VWC2L: variants seen among roughly 807,000 people sequenced by gnomAD.
VWC2L encodes the protein von Willebrand factor C domain-containing protein 2-like.
Under a neutral mutation model 21.6 loss-of-function variants are expected in VWC2L, and 10 were observed. That is an observed-to-expected ratio of 0.46 (90% CI 0.29 to 0.78). The LOEUF (loss-of-function observed/expected upper bound fraction) is 0.78. Among genes scored for constraint, VWC2L ranks in the 30% least tolerant of loss-of-function variants. The pLI is 0.10. For missense variants in VWC2L, 209 were observed against 277.1 expected (o/e 0.75, Z 1.74); for synonymous variants, 96 against 94.3 (o/e 1.02, Z -0.10).
At chr2:214,525,049 A>G (rs1408372404) in intron 3 of VWC2L, 2 of 82,140 alleles carry the variant, frequency 2.4e-5, no homozygotes, top group Non-Finnish European at 4.7e-5. Flanking sequence ...TGCCTCACAC[A>G]CACACACACA....
intron 3 of VWC2L, among the ~76,000 whole-genome samples, chr2:214,544,619 G>C (rs1184010864): frequency 1.3e-5 from 2 of 152,106 alleles, no homozygotes; most frequent in African/African-American, 2.4e-5. Context: ...ACAAGTGATT[G>C]AATAATGGCG....
At chr2:214,456,409 T>C (rs1355416647) in intron 3 of VWC2L, among the ~76,000 whole-genome samples, 1 of 152,062 alleles carries the variant, frequency 6.6e-6, no homozygotes, top group African/African-American at 2.4e-5. Flanking sequence ...TTGGGTTTTT[T>C]TGTTTGGGGG....
In VWC2L at chr2:214,421,618, GT is replaced by G. The variant is rs560914459; in HGVS notation, c.390+7037del. On this transcript the variant is annotated intron_variant, in intron 2 of 3. Transcript: ENST00000312504. ...TCTGAGATTTGCGGAGCTTGTCACT[GT>G]TAGTGACTACCCCAGACTTGAGGTC... is the stretch of plus-strand genomic sequence containing the variant. Among the ~76,000 whole-genome samples, 6 of 152,110 alleles carry G rather than the reference GT, an allele frequency of 3.9e-5. No individual in the cohort carries two copies. In the South Asian group the frequency reaches 1.2e-3, roughly 32 times the overall value.
chr2:214,454,738 G>A (rs1429591098), intron 3 of VWC2L, among the ~76,000 whole-genome samples: 5 of 151,132 alleles, frequency 3.3e-5, no homozygotes, highest in African/African-American at 1.2e-4. Context: ...GAGTAGCTGG[G>A]ACTACAGGCG....
At chr2:214,416,871 A>C (rs1203052443) in intron 2 of VWC2L, among the ~76,000 whole-genome samples, 1 of 152,122 alleles carries the variant, frequency 6.6e-6, no homozygotes, top group Admixed American at 6.5e-5. Context: ...GGTACACAAT[A>C]GGTATTAAAT....
intron 2 of VWC2L, among the ~76,000 whole-genome samples, chr2:214,429,208 T>C (rs981129487): frequency 6.6e-6 from 1 of 152,214 alleles, no homozygotes; most frequent in African/African-American, 2.4e-5. Flanking sequence ...AGTTGCTCAC[T>C]TTTTTCCTGT....
chr2:214,557,918 C>T (rs1689899208), intron 3 of VWC2L, among the ~76,000 whole-genome samples: 1 of 152,194 alleles, frequency 6.6e-6, no homozygotes, highest in African/African-American at 2.4e-5. Flanking sequence ...CTCATTTTAA[C>T]TATCCTCCCT....
intron 3 of VWC2L, among the ~76,000 whole-genome samples, chr2:214,561,586 C>A (rs1288457451): frequency 1.3e-5 from 2 of 151,716 alleles, no homozygotes; most frequent in Non-Finnish European, 2.9e-5. Flanking sequence ...GTTGCCTGAG[C>A]AACATGGCAA....
At chr2:214,551,492 C>CA (rs566705846) in intron 3 of VWC2L, among the ~76,000 whole-genome samples, 1 of 152,112 alleles carries the variant, frequency 6.6e-6, no homozygotes, top group African/African-American at 2.4e-5. Context: ...AGCATACAAA[C>CA]AAAAAATTAC....
chr2:214,499,994 G>A (rs1268753045), intron 3 of VWC2L, among the ~76,000 whole-genome samples: 3 of 152,206 alleles, frequency 2.0e-5, no homozygotes, highest in Non-Finnish European at 4.4e-5. Context: ...CTGAGCTGTG[G>A]ATCTTTGAGT....
chr2:214,480,145 G>T (rs546606316), intron 3 of VWC2L, among the ~76,000 whole-genome samples: 1 of 152,304 alleles, frequency 6.6e-6, no homozygotes, highest in Non-Finnish European at 1.5e-5. Flanking sequence ...ATAAGCACTT[G>T]AGCATCTGCA....
chr2:214,487,479 G>T (rs1688686650), intron 3 of VWC2L, among the ~76,000 whole-genome samples: 1 of 152,148 alleles, frequency 6.6e-6, no homozygotes, highest in Non-Finnish European at 1.5e-5. Flanking sequence ...TAATCAATTA[G>T]CAATAAGACA....
At chr2:214,570,108 C>T (rs898846977) in intron 3 of VWC2L, among the ~76,000 whole-genome samples, 1 of 152,042 alleles carries the variant, frequency 6.6e-6, no homozygotes, top group Non-Finnish European at 1.5e-5. Flanking sequence ...TCTCTGATTA[C>T]TAGATACACT....
Position 214,575,799 on chromosome 2 carries a change from C to A in VWC2L, c.648C>A (p.Cys216Ter). Reference protein sequence around the residue: ...WKPAQCSKRECQGKQTV With the variant: ...WKPAQCSKRE The stretch of plus-strand genomic sequence containing the variant: ...CTGCTCAGTGTTCGAAACGTGAATG[C>A]CAAGGCAAGCAGACTGTGTAGGACA... Residue 216 changes from cysteine (C) to a stop codon, truncating the protein, a stop_gained, in exon 4 of 4, where the codon TGC becomes TGA. Transcript: ENST00000312504. LOFTEE classifies it high-confidence loss of function. 1 of 1,613,242 alleles carries A rather than the reference C, an allele frequency of 6.2e-7. No homozygotes were observed. The highest frequency in any genetic ancestry group is 8.5e-7 in the Non-Finnish European group (1 of 1,179,366).
intron 3 of VWC2L, among the ~76,000 whole-genome samples, chr2:214,558,125 G>T (rs980705101): frequency 2.0e-4 from 30 of 152,178 alleles, no homozygotes; most frequent in Admixed American, 1.9e-3. Flanking sequence ...TGCTGTCACA[G>T]TCCTGCCAGA....
At chr2:214,492,711 T>G (rs959288240) in intron 3 of VWC2L, among the ~76,000 whole-genome samples, 1 of 152,228 alleles carries the variant, frequency 6.6e-6, no homozygotes, top group Non-Finnish European at 1.5e-5. Context: ...ATCACTAACT[T>G]TAAACAATCA....
At position 214,429,228 on chromosome 2, in the gene VWC2L, G is replaced by A. The variant is rs527911301; in HGVS notation, c.391-7401G>A. 5.9e-5 allele frequency among the ~76,000 whole-genome samples: 9 copies of A among 152,222 alleles called. No homozygotes were observed. In the South Asian group the frequency reaches 1.9e-3, roughly 32 times the overall value. On this transcript the variant is annotated intron_variant, in intron 2 of 3. Coordinates refer to ENST00000312504, the MANE Select transcript of VWC2L (RefSeq NM_001080500.4). ...CTCACTTTTTTCCTGTTGCATAAAC[G>A]GGCGATAAATGTAGCACCTTCAGCA...
intron 3 of VWC2L, among the ~76,000 whole-genome samples, chr2:214,439,691 T>C (rs2126179942): frequency 6.6e-6 from 1 of 152,052 alleles, no homozygotes; most frequent in East Asian, 1.9e-4. Flanking sequence ...TTATAAAACT[T>C]TTAAAATATG....
intron 2 of VWC2L, among the ~76,000 whole-genome samples, chr2:214,434,356 C>A (rs1026682277): frequency 1.5e-4 from 23 of 152,134 alleles, no homozygotes; most frequent in African/African-American, 5.5e-4. Context: ...CTTGTGGCAA[C>A]CTAACTTTGG....
Sources: allele counts gnomAD v4.1 joint callset (sites outside exome capture counted in the v4.1 genomes callset), GRCh38; gene constraint gnomAD v4.1.1; transcripts MANE v1.5; gene names NCBI Gene and HGNC (gene_info 2026-07-23, HGNC 2026-07-21).